Variants in SPAG17 observed in about 807,000 individuals in gnomAD.
SPAG17 encodes sperm associated antigen 17.
SPAG17 carries 169 observed loss-of-function variants against 273.6 expected under a neutral mutation model. The ratio of observed to expected loss-of-function variants is 0.62; its 90% CI spans 0.55 to 0.70. The LOEUF is 0.70. SPAG17 is among the 30% of genes least tolerant of loss of function. SPAG17 has a pLI of 0.00. For synonymous variants in SPAG17, 825 were observed against 873.2 expected (o/e 0.94, Z 0.97); for missense variants, 2,557 against 2,627.8 (o/e 0.97, Z 0.59).
chr1:118,039,227 T>C, intron 23 of SPAG17, 65 bp downstream of exon 23: 1 of 1,496,360 alleles, frequency 6.7e-7, no homozygotes, highest in Non-Finnish European at 9.1e-7. Flanking sequence ...ATTCATTTAA[T>C]GGAGTGGAGT....
At chr1:118,173,949 T>C (rs567149849) in intron 1 of SPAG17, among the ~76,000 whole-genome samples, 1 of 151,780 alleles carries the variant, frequency 6.6e-6, no homozygotes, top group African/African-American at 2.4e-5. Context: ...GCCTTTATCC[T>C]GGGCTGTTGC....
At chr1:117,985,654 T>C (rs1656320270) in intron 40 of SPAG17, among the ~76,000 whole-genome samples, 1 of 152,162 alleles carries the variant, frequency 6.6e-6, no homozygotes, top group South Asian at 2.1e-4. Flanking sequence ...ATTTGGAGGT[T>C]TTCTGTTAAA....
intron 3 of SPAG17, among the ~76,000 whole-genome samples, chr1:118,139,406 G>T (rs2102317918): frequency 6.6e-6 from 1 of 152,076 alleles, no homozygotes; most frequent in African/African-American, 2.4e-5. Flanking sequence ...CACTATGGAG[G>T]GTCCTCAAAA....
chr1:117,992,896 C>G (rs1057001820), intron 35 of SPAG17, among the ~76,000 whole-genome samples: 3 of 152,074 alleles, frequency 2.0e-5, no homozygotes. Flanking sequence ...TGCATGGTGT[C>G]CTGGGTAGGA....
At chr1:117,989,984 C>A (rs545325781) in intron 38 of SPAG17, among the ~76,000 whole-genome samples, 1 of 152,150 alleles carries the variant, frequency 6.6e-6, no homozygotes. Context: ...TTTAACTAGG[C>A]CTTCTTTATT....
intron 18 of SPAG17, among the ~76,000 whole-genome samples, chr1:118,063,472 C>CA (rs1285171743): frequency 6.6e-6 from 1 of 151,922 alleles, no homozygotes; most frequent in Admixed American, 6.6e-5. Flanking sequence ...CTGACAAAAA[C>CA]AAAAAATGGG....
intron 30 of SPAG17, among the ~76,000 whole-genome samples, chr1:118,011,381 C>T (rs1426409644): frequency 6.6e-6 from 1 of 152,138 alleles, no homozygotes; most frequent in Non-Finnish European, 1.5e-5. Context: ...CCACGGAATA[C>T]TATGCAGCCA....
intron 32 of SPAG17, among the ~76,000 whole-genome samples, chr1:117,998,211 C>T (rs1160453895): frequency 1.3e-5 from 2 of 152,146 alleles, no homozygotes; most frequent in Non-Finnish European, 1.5e-5. Context: ...GTCTTTAATA[C>T]ATCTTGAGAC....
At chr1:118,163,657 C>G (rs1395245968) in intron 1 of SPAG17, among the ~76,000 whole-genome samples, 1 of 151,334 alleles carries the variant, frequency 6.6e-6, no homozygotes, top group Non-Finnish European at 1.5e-5. Context: ...CTCTCTATCC[C>G]TACTTCACAC....
rs370687618 is a variant in SPAG17, at chr1:118,073,979, T to C, written c.2272-12A>G. ...ATCTTCTTGGGTTTCTAAAATATCA[T>C]AGGAACACAATTTCAGCTTTAATTT... On this transcript the variant is annotated splice_polypyrimidine_tract_variant and intron_variant, in intron 16 of 48. Transcript: ENST00000336338. 5.9e-6 allele frequency: 9 copies of C among 1,527,486 alleles called. No homozygotes were observed. The African/African-American group carries it at 7.2e-5, about 12-fold the overall frequency. 94.6% of individuals were successfully genotyped at this position (1,527,486 alleles called of 1,614,324 possible).
chr1:118,183,895 G>GA (rs1361618220), intron 1 of SPAG17, among the ~76,000 whole-genome samples: 1 of 152,270 alleles, frequency 6.6e-6, no homozygotes, highest in African/African-American at 2.4e-5. Flanking sequence ...AAAGTGCTTT[G>GA]AAAAACATCT....
intron 12 of SPAG17, among the ~76,000 whole-genome samples, chr1:118,086,300 G>A (rs775660981): frequency 6.6e-5 from 10 of 152,174 alleles, no homozygotes; most frequent in Non-Finnish European, 1.3e-4. Flanking sequence ...TTCATTCACA[G>A]TGACAAACTG....
chr1:118,139,256 A>T (rs1658532898), intron 3 of SPAG17, among the ~76,000 whole-genome samples: 1 of 152,194 alleles, frequency 6.6e-6, no homozygotes, highest in African/African-American at 2.4e-5. Context: ...TTAAAACCAT[A>T]ATGTGGTATC....
intron 20 of SPAG17, among the ~76,000 whole-genome samples, chr1:118,051,249 T>C (rs1418703418): frequency 6.6e-6 from 1 of 151,978 alleles, no homozygotes; most frequent in Non-Finnish European, 1.5e-5. Flanking sequence ...TAATAAATGT[T>C]GGGGAGGATG....
chr1:118,181,036 A>G (rs1660913806), intron 1 of SPAG17, among the ~76,000 whole-genome samples: 1 of 152,010 alleles, frequency 6.6e-6, no homozygotes, highest in African/African-American at 2.4e-5. Flanking sequence ...AATTTATATA[A>G]GCAATTGATA....
intron 2 of SPAG17, 45 bp downstream of exon 2, chr1:118,151,184 G>A: frequency 6.9e-7 from 1 of 1,440,928 alleles, no homozygotes; most frequent in Non-Finnish European, 9.2e-7. Context: ...ATTATTTTAA[G>A]TAAAAAAGTC....
chr1:118,088,414 T>C (rs1457093186), intron 10 of SPAG17, among the ~76,000 whole-genome samples: 2 of 152,178 alleles, frequency 1.3e-5, no homozygotes, highest in Non-Finnish European at 2.9e-5. Flanking sequence ...ATAATGATAC[T>C]GCAAGTTCTA....
intron 19 of SPAG17, among the ~76,000 whole-genome samples, chr1:118,054,802 A>T (rs1005271941): frequency 6.6e-6 from 1 of 152,118 alleles, no homozygotes; most frequent in Middle Eastern, 3.4e-3. Context: ...TAGATTATAC[A>T]ACCATTTTGG....
At chr1:118,102,322 C>G (rs970243002) in intron 4 of SPAG17, among the ~76,000 whole-genome samples, 5 of 152,004 alleles carry the variant, frequency 3.3e-5, no homozygotes, top group Non-Finnish European at 7.4e-5. Flanking sequence ...GTCTGAGTCT[C>G]AGAGAGAGGT....
Sources: gnomAD v4.1 joint callset for allele counts (sites outside exome capture counted in the v4.1 genomes callset) on GRCh38, gnomAD v4.1.1 for gene constraint, MANE v1.5 for transcripts, NCBI Gene and HGNC (gene_info 2026-07-23, HGNC 2026-07-21) for gene names.